The following WDPCP variants were observed in gnomAD, a reference collection of about 807,000 sequenced individuals.
The protein encoded by WDPCP is WD repeat containing planar cell polarity effector.
A neutral mutation model predicts 93.1 loss-of-function variants in WDPCP; 71 were observed. That is an observed-to-expected ratio of 0.76 (90% confidence interval 0.63 to 0.93). The LOEUF (loss-of-function observed/expected upper bound fraction) is 0.93. WDPCP is among the 40% of genes least tolerant of loss of function. WDPCP has a pLI of 0.00. For synonymous variants in WDPCP, 315 were observed against 315.0 expected (o/e 1.00, Z 0.00); for missense variants, 844 against 887.4 (o/e 0.95, Z 0.62).
chr2:63,481,441 T>C (rs986787326), intron 6 of WDPCP, among the ~76,000 whole-genome samples: 1 of 151,984 alleles, frequency 6.6e-6, no homozygotes, highest in African/African-American at 2.4e-5. Flanking sequence ...TACTTGCCCA[T>C]GCATGTTTGC....
At position 63,121,657 on chromosome 2, in the gene WDPCP, C is replaced by G; in HGVS notation, c.*349G>C. Reference sequence around the variant, plus strand: ...AGCACTGGGACTACAGGCATGAGCACTATGCCTGCCCCCTACTGCCCCTTT... The same window carrying G: ...AGCACTGGGACTACAGGCATGAGCAGTATGCCTGCCCCCTACTGCCCCTTT... On this transcript the variant is annotated 3_prime_UTR_variant, in exon 18 of 18. Coordinates refer to ENST00000272321, the MANE Select transcript of WDPCP (RefSeq NM_015910.7). 3.7e-6 allele frequency: 1 copy of G among 273,326 alleles called. No homozygotes were observed. Among genetic ancestry groups the G allele is most frequent in the South Asian group, 5.5e-5 (1 of 18,322 alleles). 16.9% of individuals were successfully genotyped at this position (273,326 alleles called of 1,614,324 possible).
At chr2:63,568,888 C>T (rs1357770408) in intron 1 of WDPCP, among the ~76,000 whole-genome samples, 1 of 152,222 alleles carries the variant, frequency 6.6e-6, no homozygotes, top group Non-Finnish European at 1.5e-5. Flanking sequence ...ACATAAAGTA[C>T]ACTGATTTCT....
At chr2:63,402,526 C>T (rs1694234199) in intron 10 of WDPCP, among the ~76,000 whole-genome samples, 1 of 152,154 alleles carries the variant, frequency 6.6e-6, no homozygotes, top group African/African-American at 2.4e-5. Context: ...CATGAACAGA[C>T]ACTTCTCAAA....
intron 13 of WDPCP, among the ~76,000 whole-genome samples, chr2:63,275,649 A>C (rs1683023811): frequency 6.6e-6 from 1 of 152,190 alleles, no homozygotes; most frequent in African/African-American, 2.4e-5. Context: ...CAATGGCCAC[A>C]AAAAAATACA....
At chr2:63,451,380 C>T (rs556360004) in intron 6 of WDPCP, among the ~76,000 whole-genome samples, 78 of 152,144 alleles carry the variant, frequency 5.1e-4, no homozygotes, top group African/African-American at 1.8e-3. Flanking sequence ...TACACCCTTC[C>T]AAGACTAAAC....
chr2:63,309,304 G>A (rs1685992837), intron 13 of WDPCP, among the ~76,000 whole-genome samples: 1 of 152,082 alleles, frequency 6.6e-6, no homozygotes, highest in African/African-American at 2.4e-5. Context: ...AATACAGCAA[G>A]AAAAATAACA....
intron 2 of WDPCP, among the ~76,000 whole-genome samples, chr2:63,704,353 A>C (rs1342548486): frequency 2.6e-5 from 4 of 152,282 alleles, no homozygotes; most frequent in African/African-American, 9.6e-5. Flanking sequence ...AGGAGTGGTG[A>C]GAGAGGGCAT....
intron 13 of WDPCP, among the ~76,000 whole-genome samples, chr2:63,299,924 A>G (rs1252353353): frequency 6.6e-6 from 1 of 152,132 alleles, no homozygotes; most frequent in Non-Finnish European, 1.5e-5. Context: ...AGGACTGGAC[A>G]TTTTTAAGAT....
Position 63,404,485 on chromosome 2 carries a change from C to G in WDPCP, c.998G>C (p.Arg333Thr), listed in dbSNP as rs541722180. The stretch of plus-strand genomic sequence containing the variant: ...GATGGCCTTTGACTTTAGTGGTATT[C>G]TGGTGACTGACACACACTGGATTTT... ...RNKIQCVSVTRIPLKSKAISC... is the reference protein window; with the variant it reads ...RNKIQCVSVTTIPLKSKAISC... Residue 333 changes from arginine to threonine, a missense_variant, in exon 10 of 18, where the codon AGA (arginine) becomes ACA (threonine). Arg to Thr is a moderately conservative substitution (Grantham distance 71). Coordinates refer to ENST00000272321, the MANE Select transcript of WDPCP (RefSeq NM_015910.7). 2 of 1,614,116 alleles carry G rather than the reference C, an allele frequency of 1.2e-6. No homozygotes were observed. Among genetic ancestry groups the G allele is most frequent in the Admixed American group, 1.7e-5 (1 of 59,992 alleles).
At chr2:63,578,151 CAATT>C (rs1231877790) in intron 1 of WDPCP, among the ~76,000 whole-genome samples, 2 of 152,170 alleles carry the variant, frequency 1.3e-5, no homozygotes, top group Admixed American at 6.5e-5. Flanking sequence ...AAGGCAGACT[CAATT>C]AACAGTCATG....
chr2:63,297,131 G>A (rs1334508557), intron 13 of WDPCP, among the ~76,000 whole-genome samples: 2 of 152,216 alleles, frequency 1.3e-5, no homozygotes, highest in African/African-American at 4.8e-5. Context: ...ACAGCATTTA[G>A]TGAGGAACTT....
At chr2:63,360,644 C>T (rs973654731) in intron 12 of WDPCP, among the ~76,000 whole-genome samples, 2 of 152,184 alleles carry the variant, frequency 1.3e-5, no homozygotes, top group Admixed American at 6.5e-5. Context: ...AATAAAGGCA[C>T]GTGGTGCATT....
chr2:63,445,057 C>T lies in WDPCP; in HGVS notation c.385-5186G>A, dbSNP rs542008889. Among the ~76,000 whole-genome samples the T allele has an allele frequency of 9.0e-4, 136 of 151,922 alleles. 1 individual carries two copies. The highest frequency in any genetic ancestry group is 2.9e-3 in the African/African-American group (119 of 41,424). ...ATTGGGGATTAAATTGGAAGTGAAA[C>T]GGTACTTTGAGGGAAATGAGAAAAT... On this transcript the variant is annotated intron_variant, in intron 6 of 17. Coordinates refer to ENST00000272321, the MANE Select transcript of WDPCP (RefSeq NM_015910.7).
intron 1 of WDPCP, among the ~76,000 whole-genome samples, chr2:63,587,633 CCTTTT>C (rs1384969787): frequency 2.0e-5 from 3 of 152,174 alleles, no homozygotes; most frequent in African/African-American, 7.2e-5. Flanking sequence ...ATCATATCTT[CCTTTT>C]AACATCCACA....
At chr2:63,124,287 G>C (rs1218914700) in intron 17 of WDPCP, among the ~76,000 whole-genome samples, 1 of 151,904 alleles carries the variant, frequency 6.6e-6, no homozygotes, top group Non-Finnish European at 1.5e-5. Context: ...TTCCAAGGAA[G>C]ACTGATCTTC....
chr2:63,633,198 T>TC (rs922277909), intron 3 of WDPCP, among the ~76,000 whole-genome samples: 1 of 152,188 alleles, frequency 6.6e-6, no homozygotes, highest in Non-Finnish European at 1.5e-5. Context: ...TCATTACCAC[T>TC]AGACCTTCCA....
At chr2:63,762,413 C>T (rs1670069333) in intron 2 of WDPCP, among the ~76,000 whole-genome samples, 1 of 151,934 alleles carries the variant, frequency 6.6e-6, no homozygotes, top group South Asian at 2.1e-4. Context: ...ACTCATTACC[C>T]CTTTCAGATT....
chr2:63,545,429 T>C (rs529371775), intron 1 of WDPCP, among the ~76,000 whole-genome samples: 120 of 151,876 alleles, frequency 7.9e-4, no homozygotes, highest in Non-Finnish European at 1.6e-3. Context: ...TCAATCCAAA[T>C]TGAAAACTAG....
rs1559189414 is a variant in WDPCP, at chr2:63,192,116, T to TCTTA, written c.1916-17288_1916-17285dup. 2.6e-5 allele frequency among the ~76,000 whole-genome samples: 4 copies of TCTTA among 152,186 alleles called. No homozygotes were observed. The South Asian group carries it at 8.3e-4, about 32-fold the overall frequency. On this transcript the variant is annotated intron_variant, in intron 14 of 17. Coordinates refer to ENST00000272321, the MANE Select transcript of WDPCP (RefSeq NM_015910.7). The stretch of plus-strand genomic sequence containing the variant: ...CTTTCACTGTTTTTTTGCTATCCTA[T>TCTTA]CTTAACATGTTCCTTTAGATCCAGG...
Sources: allele counts gnomAD v4.1 joint callset (sites outside exome capture counted in the v4.1 genomes callset), GRCh38; gene constraint gnomAD v4.1.1; transcripts MANE v1.5; gene names NCBI Gene and HGNC (gene_info 2026-07-23, HGNC 2026-07-21).